Variants in LRFN5 observed in about 807,000 individuals in gnomAD.
LRFN5 encodes leucine rich repeat and fibronectin type III domain containing 5.
In LRFN5, 24 loss-of-function variants were observed where a neutral mutation model predicts 45.6. The ratio of observed to expected loss-of-function variants is 0.53; its 90% confidence interval spans 0.38 to 0.74. The LOEUF (loss-of-function observed/expected upper bound fraction) is 0.74, where lower values mean the gene tolerates loss of function less well. Among genes scored for constraint, LRFN5 ranks in the 30% least tolerant of loss-of-function variants. The pLI, the probability that LRFN5 is intolerant of heterozygous loss-of-function variation, is 0.00. For missense variants in LRFN5, 776 were observed against 861.5 expected (o/e 0.90, Z 1.24); for synonymous variants, 340 against 313.8 (o/e 1.08, Z -0.88).
chr14:41,780,607 A>G (rs1279331400), intron 2 of LRFN5, among the ~76,000 whole-genome samples: 2 of 151,980 alleles, frequency 1.3e-5, no homozygotes, highest in Non-Finnish European at 2.9e-5. Context: ...CATATAATTG[A>G]GTTTTTTTGT....
At chr14:41,648,188 T>A (rs1378360750) in intron 1 of LRFN5, among the ~76,000 whole-genome samples, 1 of 152,122 alleles carries the variant, frequency 6.6e-6, no homozygotes, top group Non-Finnish European at 1.5e-5. Flanking sequence ...CCACCAGTAA[T>A]TTTTCAGAAG....
chr14:41,800,482 T>G (rs1021165915), intron 2 of LRFN5, among the ~76,000 whole-genome samples: 1 of 151,760 alleles, frequency 6.6e-6, no homozygotes, highest in African/African-American at 2.4e-5. Context: ...TTTCTAATAA[T>G]TGTATGATTA....
At chr14:41,694,685 T>G (rs1882525339) in intron 1 of LRFN5, among the ~76,000 whole-genome samples, 1 of 151,972 alleles carries the variant, frequency 6.6e-6, no homozygotes, top group South Asian at 2.1e-4. Context: ...TCCAACAGTA[T>G]GTGTTCACTT....
intron 1 of LRFN5, among the ~76,000 whole-genome samples, chr14:41,759,501 AG>A (rs1174910610): frequency 1.5e-4 from 2 of 13,154 alleles, no homozygotes; most frequent in Non-Finnish European, 2.8e-4. Flanking sequence ...ACACACACAG[AG>A]AGAGCACCAG....
intron 1 of LRFN5, among the ~76,000 whole-genome samples, chr14:41,675,028 C>G (rs1382569049): frequency 6.6e-6 from 1 of 152,074 alleles, no homozygotes; most frequent in Non-Finnish European, 1.5e-5. Context: ...AGACGCTCCT[C>G]ACTTCCTAGA....
chr14:41,783,347 G>A (rs575349278), intron 2 of LRFN5, among the ~76,000 whole-genome samples: 7 of 152,122 alleles, frequency 4.6e-5, no homozygotes, highest in South Asian at 4.2e-4. Flanking sequence ...CCAGGTAAGC[G>A]GATGCTGTCT....
chr14:41,777,629 TA>T, intron 2 of LRFN5, among the ~76,000 whole-genome samples: 1 of 151,886 alleles, frequency 6.6e-6, no homozygotes, highest in Non-Finnish European at 1.5e-5. Flanking sequence ...TTTCATCATC[TA>T]ATTGAGCATG....
chr14:41,786,428 A>G (rs1287668536), intron 2 of LRFN5, among the ~76,000 whole-genome samples: 1 of 151,742 alleles, frequency 6.6e-6, no homozygotes, highest in African/African-American at 2.4e-5. Flanking sequence ...GATGTCTTTC[A>G]ACTCTCTTCT....
intron 1 of LRFN5, among the ~76,000 whole-genome samples, chr14:41,681,872 G>A (rs958004940): frequency 1.3e-5 from 2 of 149,820 alleles, no homozygotes; most frequent in African/African-American, 4.9e-5. Context: ...AGGCTGGAGT[G>A]CAGTGGCCCG....
At chr14:41,819,576 G>T (rs1888040311) in intron 2 of LRFN5, among the ~76,000 whole-genome samples, 1 of 152,082 alleles carries the variant, frequency 6.6e-6, no homozygotes, top group South Asian at 2.1e-4. Context: ...CAGGAAGCAT[G>T]GCATCATCTT....
intron 2 of LRFN5, among the ~76,000 whole-genome samples, chr14:41,820,684 A>G (rs936347396): frequency 6.6e-6 from 1 of 151,830 alleles, no homozygotes. Context: ...GAGTAATTTC[A>G]TTGGATCTGT....
intron 2 of LRFN5, among the ~76,000 whole-genome samples, chr14:41,828,368 A>C (rs561873898): frequency 1.3e-5 from 2 of 152,122 alleles, no homozygotes; most frequent in South Asian, 2.1e-4. Context: ...GATTAGCTAG[A>C]GAGGGTAGTA....
intron 1 of LRFN5, among the ~76,000 whole-genome samples, chr14:41,756,137 T>C (rs1885368274): frequency 6.6e-6 from 1 of 152,196 alleles, no homozygotes; most frequent in South Asian, 2.1e-4. Flanking sequence ...AGAGATCAGC[T>C]GTTAGTCTGA....
chr14:41,897,880 C>A (rs999014426), intron 4 of LRFN5, among the ~76,000 whole-genome samples: 2 of 152,036 alleles, frequency 1.3e-5, no homozygotes, highest in Non-Finnish European at 2.9e-5. Flanking sequence ...GAACATATAA[C>A]CTTACCTGAC....
intron 2 of LRFN5, among the ~76,000 whole-genome samples, chr14:41,774,631 A>G (rs1886211144): frequency 6.6e-6 from 1 of 152,238 alleles, no homozygotes; most frequent in Non-Finnish European, 1.5e-5. Context: ...TAGATTCAGG[A>G]CTACCAGGTG....
At chr14:41,751,606 C>G (rs967092994) in intron 1 of LRFN5, among the ~76,000 whole-genome samples, 7 of 151,958 alleles carry the variant, frequency 4.6e-5, no homozygotes, top group African/African-American at 1.5e-4. Flanking sequence ...TCTCTCCAAG[C>G]AGATGCACAC....
chr14:41,810,883 C>G (rs974265579), intron 2 of LRFN5, among the ~76,000 whole-genome samples: 5 of 151,880 alleles, frequency 3.3e-5, no homozygotes, highest in Non-Finnish European at 7.4e-5. Flanking sequence ...CAGGCAAGCA[C>G]AAGGAAAAGC....
intron 2 of LRFN5, among the ~76,000 whole-genome samples, chr14:41,808,704 A>G (rs899548397): frequency 1.3e-5 from 2 of 152,106 alleles, no homozygotes; most frequent in African/African-American, 2.4e-5. Flanking sequence ...AAAACAAGAT[A>G]AATCAAAATA....
intron 2 of LRFN5, among the ~76,000 whole-genome samples, chr14:41,767,639 A>G (rs965736781): frequency 2.0e-5 from 3 of 152,208 alleles, no homozygotes; most frequent in East Asian, 1.9e-4. Context: ...AAAATCATAT[A>G]TAGGAAAATG....
Sources: allele counts gnomAD v4.1 joint callset (sites outside exome capture counted in the v4.1 genomes callset), GRCh38; gene constraint gnomAD v4.1.1; transcripts MANE v1.5; gene names NCBI Gene and HGNC (gene_info 2026-07-23, HGNC 2026-07-21).